The following TOR3A variants were observed in gnomAD, a reference collection of about 807,000 sequenced individuals.
TOR3A encodes torsin family 3 member A, also known as torsin-3A.
TOR3A carries 44 observed loss-of-function variants against 42.1 expected under a neutral mutation model. The observed-to-expected ratio is 1.04, with a 90% CI of 0.82 to 1.34. The LOEUF (loss-of-function observed/expected upper bound fraction) is 1.34. Among genes scored for constraint, TOR3A ranks in the 40% most tolerant of loss-of-function variants. The pLI is 0.00. For synonymous variants in TOR3A, 227 were observed against 213.2 expected (o/e 1.06, Z -0.57); for missense variants, 521 against 507.6 (o/e 1.03, Z -0.25).
intron 3 of TOR3A, among the ~76,000 whole-genome samples, chr1:179,086,871 T>C (rs1652451857): frequency 1.3e-5 from 2 of 152,168 alleles, no homozygotes; most frequent in Admixed American, 1.3e-4. Context: ...CACCTGTCTT[T>C]GGCTTTGTTT....
At chr1:179,088,244 A>C (rs2102543935) in intron 4 of TOR3A, 155 bp downstream of exon 4, 163 of 818,914 alleles carry the variant, frequency 2.0e-4, no homozygotes, top group Middle Eastern at 4.0e-4. Context: ...GTGGTAGCTC[A>C]CGCCTGTAAT....
At chr1:179,090,997 G>A (rs1652567886) in intron 4 of TOR3A, among the ~76,000 whole-genome samples, 1 of 152,192 alleles carries the variant, frequency 6.6e-6, no homozygotes, top group Admixed American at 6.5e-5. Flanking sequence ...TCTGTTGGCT[G>A]CCTGTTGACT....
chr1:179,083,748 A>G (rs1320823942), intron 2 of TOR3A, among the ~76,000 whole-genome samples: 1 of 152,082 alleles, frequency 6.6e-6, no homozygotes, highest in Non-Finnish European at 1.5e-5. Flanking sequence ...CTTGATTTGC[A>G]TATCGCAGTT....
chr1:179,082,203 C>T lies in TOR3A; in HGVS notation c.75C>T (p.Gly25=). The part of the protein sequence containing the change: ...LLLPGAPEPR[G]ASRPWEGTDE... ...TCCCGGGCGCGCCTGAGCCCCGCGG[C>T]GCCTCCAGGCCGTGGGAGGGAACCG... The change falls in exon 1 of 6, where the codon GGC becomes GGT. Residue 25 remains glycine (G), a synonymous_variant. Coordinates refer to ENST00000367627, the MANE Select transcript of TOR3A (RefSeq NM_022371.4). The T allele has an allele frequency of 6.7e-7, 1 of 1,501,898 alleles. No individual in the cohort carries two copies. The allele number at this position is 1,501,898 out of a possible 1,614,324, so 93.0% of individuals were successfully genotyped here. A position where few individuals can be genotyped will look rare whatever the true frequency, so the allele number is the denominator to read the frequency against.
rs1186777930 is a variant in TOR3A at position 179,094,082 on chromosome 1, G to C, written c.819-11G>C. 6.2e-7 allele frequency: 1 copy of C among 1,610,696 alleles called. No individual in the cohort carries two copies. Among genetic ancestry groups the C allele is most frequent in the Non-Finnish European group, 8.5e-7 (1 of 1,178,808 alleles). On this transcript the variant is annotated splice_polypyrimidine_tract_variant and intron_variant, in intron 4 of 5. Transcript: ENST00000367627. ...TAAACAAATGGGTTAACAAGCTCTT[G>C]TCTCTTTCAGTAATCTCAGGGGCGA... is the stretch of plus-strand genomic sequence containing the variant.
intron 2 of TOR3A, among the ~76,000 whole-genome samples, chr1:179,083,623 C>G (rs1038183444): frequency 6.9e-6 from 1 of 145,934 alleles, no homozygotes; most frequent in Non-Finnish European, 1.5e-5. Context: ...GTTGGCCAGG[C>G]CGGTCTCGAA....
At chr1:179,092,181 A>G (rs905252438) in intron 4 of TOR3A, among the ~76,000 whole-genome samples, 3 of 152,228 alleles carry the variant, frequency 2.0e-5, no homozygotes, top group Non-Finnish European at 2.9e-5. Context: ...CCTCTACGCA[A>G]TGGTGGAGGC....
At chr1:179,086,729 G>GT (rs1652449091) in intron 3 of TOR3A, among the ~76,000 whole-genome samples, 1 of 151,098 alleles carries the variant, frequency 6.6e-6, no homozygotes, top group Admixed American at 6.6e-5. Flanking sequence ...ATGTCTTCCC[G>GT]TATCAGCTTA....
In TOR3A at chr1:179,094,292, T is replaced by C; in HGVS notation, c.943+75T>C. 3.3e-6 allele frequency: 5 copies of C among 1,534,588 alleles called. No homozygotes were observed. The South Asian group carries it at 6.3e-5, about 19-fold the overall frequency. On this transcript the variant is annotated intron_variant, in intron 5 of 5. Coordinates refer to ENST00000367627, the MANE Select transcript of TOR3A (RefSeq NM_022371.4). ...ATTAATGTGTTTGTTGGAATGTGTG[T>C]TTATGAAGCAGACAGGGTACTTGGG...
At chr1:179,090,151 T>A (rs1188215473) in intron 4 of TOR3A, among the ~76,000 whole-genome samples, 1 of 151,598 alleles carries the variant, frequency 6.6e-6, no homozygotes, top group African/African-American at 2.4e-5. Flanking sequence ...GCCAGACTCC[T>A]CCATGCCACA....
At chr1:179,084,796 G>C (rs920975437) in intron 2 of TOR3A, among the ~76,000 whole-genome samples, 3 of 152,132 alleles carry the variant, frequency 2.0e-5, no homozygotes, top group Non-Finnish European at 4.4e-5. Context: ...ACAGCTGGCC[G>C]CACACCCTGC....
intron 3 of TOR3A, among the ~76,000 whole-genome samples, chr1:179,086,224 CTG>C (rs1652429388): frequency 6.6e-6 from 1 of 152,182 alleles, no homozygotes; most frequent in Non-Finnish European, 1.5e-5. Flanking sequence ...AAAGCAAAAA[CTG>C]TCAGACTCTC....
At chr1:179,088,255 C>A (rs1259392317) in intron 4 of TOR3A, 166 bp downstream of exon 4, 11 of 722,976 alleles carry the variant, frequency 1.5e-5, no homozygotes, top group Non-Finnish European at 2.2e-5. Flanking sequence ...CGCCTGTAAT[C>A]CCAGCACTTT....
rs747214545 is a variant in TOR3A, at chr1:179,087,925, C to A, written c.654C>A (p.Ser218Arg). Residue 218 changes from serine to arginine, a missense_variant, in exon 4 of 6, where the codon AGC becomes AGA. Ser to Arg is a moderately radical substitution (Grantham distance 110). Transcript: ENST00000367627. The stretch of plus-strand genomic sequence containing the variant: ...ATCCCGTGCAGGAGCAGCTGATGAG[C>A]CAGATCCGGGAGACGCAGCAGCTCT... ...YVDLYKEQLM[S>R]QIRETQQLCH... is the part of the protein sequence containing the mutation. 11 of 1,592,064 alleles carry A rather than the reference C, an allele frequency of 6.9e-6. No individual in the cohort carries two copies. The highest frequency in any genetic ancestry group is 9.4e-6 in the Non-Finnish European group (11 of 1,169,752).
In TOR3A at chr1:179,095,902, C is replaced by T. The variant is rs992853852; in HGVS notation, c.*684C>T. On this transcript the variant is annotated 3_prime_UTR_variant, in exon 6 of 6. Coordinates refer to ENST00000367627, the MANE Select transcript of TOR3A (RefSeq NM_022371.4). ...AAGACTTATGGTCTACAGATTTTGGCGGGGGAGGGGGGACCTTTTCAAAGA... is the reference window on the plus strand; with the variant it reads ...AAGACTTATGGTCTACAGATTTTGGTGGGGGAGGGGGGACCTTTTCAAAGA... 6.4e-5 allele frequency: 63 copies of T among 977,740 alleles called. No homozygotes were observed. The highest frequency in any genetic ancestry group is 2.6e-4 in the African/African-American group (14 of 54,328). 60.6% of individuals were successfully genotyped at this position (977,740 alleles called of 1,614,324 possible). A position where few individuals can be genotyped will look rare whatever the true frequency, so the allele number is the denominator to read the frequency against.
In TOR3A at chr1:179,082,343, C is replaced by T; in HGVS notation, c.215C>T (p.Pro72Leu). Residue 72 changes from proline to leucine, a missense_variant, in exon 1 of 6, where the codon CCC becomes CTC. Pro to Leu is a moderately conservative substitution (Grantham distance 98). Transcript: ENST00000367627. The part of the protein sequence containing the change: ...YWTLFSCQVW[P>L]DDCDEDEEAA... ...ACGCTCTTCAGCTGCCAGGTGTGGC[C>T]CGACGACTGTGACGAGGACGAGGAG... is the stretch of plus-strand genomic sequence containing the variant. The T allele has an allele frequency of 6.2e-7, 1 of 1,605,980 alleles. No homozygotes were observed. The highest frequency in any genetic ancestry group is 8.5e-7 in the Non-Finnish European group (1 of 1,177,606).
intron 4 of TOR3A, among the ~76,000 whole-genome samples, chr1:179,092,920 G>A (rs1438524131): frequency 6.6e-6 from 1 of 152,134 alleles, no homozygotes; most frequent in African/African-American, 2.4e-5. Flanking sequence ...GAGAGGATCA[G>A]CTGAGCCTGG....
At chr1:179,088,979 T>G (rs978841893) in intron 4 of TOR3A, among the ~76,000 whole-genome samples, 8 of 151,748 alleles carry the variant, frequency 5.3e-5, no homozygotes, top group African/African-American at 1.9e-4. Context: ...GCTGGGGGGG[T>G]TTCCCAAGCT....
intron 3 of TOR3A, 100 bp downstream of exon 3, chr1:179,085,993 A>T (rs761111499): frequency 4.8e-5 from 68 of 1,417,318 alleles, no homozygotes; most frequent in Admixed American, 6.3e-5. Flanking sequence ...AAGCCTGGGG[A>T]GGTGGGGACA....
Sources: gnomAD v4.1 joint callset for allele counts (sites outside exome capture counted in the v4.1 genomes callset) on GRCh38, gnomAD v4.1.1 for gene constraint, MANE v1.5 for transcripts, NCBI Gene and HGNC (gene_info 2026-07-23, HGNC 2026-07-21) for gene names.